SLC24A4: variants seen among roughly 807,000 people sequenced by gnomAD.
The protein encoded by SLC24A4 is sodium/potassium/calcium exchanger 4.
In SLC24A4, 53 loss-of-function variants were observed where a neutral mutation model predicts 79.0. The ratio of observed to expected loss-of-function variants is 0.67; its 90% CI spans 0.54 to 0.84. The LOEUF is 0.84. SLC24A4 is among the 40% of genes least tolerant of loss of function. The pLI is 0.00. For synonymous variants in SLC24A4, 323 were observed against 323.8 expected (o/e 1.00, Z 0.03); for missense variants, 731 against 822.0 (o/e 0.89, Z 1.35).
At chr14:92,400,437 CAAAAAAAAAA>C (rs35343108) in intron 2 of SLC24A4, among the ~76,000 whole-genome samples, 1 of 79,480 alleles carries the variant, frequency 1.3e-5, no homozygotes, top group African/African-American at 4.8e-5. Context: ...GACTCCATCT[CAAAAAAAAAA>C]AAAAAAAAAA....
intron 2 of SLC24A4, among the ~76,000 whole-genome samples, chr14:92,423,040 G>A (rs1891366930): frequency 6.6e-6 from 1 of 152,106 alleles, no homozygotes; most frequent in African/African-American, 2.4e-5. Flanking sequence ...TGAACTCCTG[G>A]ACTCAAGCAA....
intron 10 of SLC24A4, 126 bp downstream of exon 10, chr14:92,449,342 C>A: frequency 7.8e-7 from 1 of 1,279,976 alleles, no homozygotes; most frequent in South Asian, 1.5e-5. Flanking sequence ...AATGTCCCCC[C>A]TCTAAATTGT....
At chr14:92,355,994 C>T (rs1202416011) in intron 2 of SLC24A4, among the ~76,000 whole-genome samples, 7 of 152,186 alleles carry the variant, frequency 4.6e-5, no homozygotes, top group Non-Finnish European at 1.0e-4. Flanking sequence ...TTTACGATGG[C>T]ATGAAAGCAA....
intron 4 of SLC24A4, among the ~76,000 whole-genome samples, chr14:92,440,233 G>A (rs1213885226): frequency 2.0e-5 from 3 of 152,234 alleles, no homozygotes; most frequent in Admixed American, 6.5e-5. Context: ...CCTGGCAAAC[G>A]TGTGCAAAGG....
chr14:92,400,387 C>T (rs1036297757), intron 2 of SLC24A4, among the ~76,000 whole-genome samples: 36 of 146,984 alleles, frequency 2.4e-4, no homozygotes, highest in South Asian at 1.1e-3. Context: ...TGCAGTGAGC[C>T]GAGATCGTGC....
chr14:92,379,679 A>T (rs974077675), intron 2 of SLC24A4, among the ~76,000 whole-genome samples: 3 of 152,060 alleles, frequency 2.0e-5, no homozygotes, highest in African/African-American at 7.2e-5. Context: ...ACTGGCCTGG[A>T]TTCCATTTGT....
At chr14:92,492,709 A>G in intron 16 of SLC24A4, 1 of 383,062 alleles carries the variant, frequency 2.6e-6, no homozygotes, top group Non-Finnish European at 5.2e-6. Context: ...TTCCCATTGC[A>G]GAAGAAATCG....
chr14:92,449,126 A>G lies in SLC24A4; in HGVS notation c.790A>G (p.Asn264Asp), dbSNP rs1743744966. 6.2e-7 allele frequency: 1 copy of G among 1,614,232 alleles called. No homozygotes were observed. Among genetic ancestry groups the G allele is most frequent in the Non-Finnish European group, 8.5e-7 (1 of 1,180,032 alleles). The change falls in exon 10 of 17, where the codon AAC (asparagine) becomes GAC (aspartate). Residue 264 changes from asparagine to aspartate, a missense_variant. Asn to Asp is a conservative substitution (Grantham distance 23, BLOSUM62 1). Coordinates refer to ENST00000532405, the MANE Select transcript of SLC24A4 (RefSeq NM_153646.4). ...FFTVKQKSIA[N>D]GNPVNSELEA... ...CACAGTCAAACAAAAGAGCATTGCA[A>G]ACGGTAACCCGGTCAACAGTGAGCT...
chr14:92,387,090 A>C (rs1286583428), intron 2 of SLC24A4, among the ~76,000 whole-genome samples: 2 of 151,390 alleles, frequency 1.3e-5, no homozygotes, highest in Non-Finnish European at 2.9e-5. Context: ...CCCCTAAAGA[A>C]AGGAAACAGT....
At chr14:92,422,628 T>C (rs1196822353) in intron 2 of SLC24A4, among the ~76,000 whole-genome samples, 1 of 152,134 alleles carries the variant, frequency 6.6e-6, no homozygotes, top group Non-Finnish European at 1.5e-5. Context: ...TGTATTGCTA[T>C]GTATGTTTCA....
intron 2 of SLC24A4, among the ~76,000 whole-genome samples, chr14:92,334,524 C>G (rs1358638469): frequency 2.0e-5 from 3 of 152,200 alleles, no homozygotes; most frequent in African/African-American, 7.2e-5. Context: ...TGCCTGCTGG[C>G]ATTTAGTGGC....
intron 2 of SLC24A4, among the ~76,000 whole-genome samples, chr14:92,365,333 C>A (rs1887768166): frequency 6.6e-6 from 1 of 152,248 alleles, no homozygotes; most frequent in Non-Finnish European, 1.5e-5. Context: ...TAAAACACGG[C>A]CATTCCAAGC....
chr14:92,489,914 C>T (rs1030427421), intron 14 of SLC24A4, among the ~76,000 whole-genome samples: 11 of 152,254 alleles, frequency 7.2e-5, no homozygotes, highest in Admixed American at 1.3e-4. Context: ...TGCATGTTCC[C>T]GCATCTTACC....
intron 2 of SLC24A4, among the ~76,000 whole-genome samples, chr14:92,347,898 C>A (rs1177474709): frequency 1.3e-5 from 2 of 152,270 alleles, no homozygotes; most frequent in East Asian, 3.9e-4. Context: ...TGCACTCCAG[C>A]CTGGGTGACA....
chr14:92,443,278 C>A, intron 6 of SLC24A4, 122 bp from the exon 7 acceptor site: 1 of 860,746 alleles, frequency 1.2e-6, no homozygotes, highest in East Asian at 2.5e-5. Context: ...CAAGCGTGGC[C>A]TGGAGTTAGG....
intron 12 of SLC24A4, among the ~76,000 whole-genome samples, chr14:92,458,746 C>T (rs1199969504): frequency 6.6e-6 from 1 of 152,190 alleles, no homozygotes; most frequent in Non-Finnish European, 1.5e-5. Context: ...CCCAAGTTAT[C>T]GCACCCCCAG....
At chr14:92,426,943 A>G (rs775531971) in intron 2 of SLC24A4, among the ~76,000 whole-genome samples, 13 of 152,262 alleles carry the variant, frequency 8.5e-5, no homozygotes, top group Non-Finnish European at 1.8e-4. Flanking sequence ...GTTATTTTTA[A>G]CAAGGGTAGA....
At chr14:92,447,119 A>G (rs570371633) in intron 8 of SLC24A4, among the ~76,000 whole-genome samples, 2 of 152,116 alleles carry the variant, frequency 1.3e-5, no homozygotes, top group East Asian at 3.9e-4. Flanking sequence ...AGGGAACCCC[A>G]CCTCTGTCCT....
chr14:92,483,747 A>G, intron 13 of SLC24A4: 1 of 1,290,022 alleles, frequency 7.8e-7, no homozygotes, highest in Non-Finnish European at 1.0e-6. Flanking sequence ...GAGGGGAAGC[A>G]GTTCCAGCAT....
Sources: gnomAD v4.1 joint callset for allele counts (sites outside exome capture counted in the v4.1 genomes callset) on GRCh38, gnomAD v4.1.1 for gene constraint, MANE v1.5 for transcripts, NCBI Gene and HGNC (gene_info 2026-07-23, HGNC 2026-07-21) for gene names.